Variants in CDH7 observed in about 807,000 individuals in gnomAD.
CDH7 encodes cadherin 7, also known as cadherin-7.
CDH7 carries 25 observed loss-of-function variants against 71.8 expected under a neutral mutation model. That is an observed-to-expected ratio of 0.35 (90% CI 0.25 to 0.49). The LOEUF is 0.49. CDH7 is among the 20% of genes least tolerant of loss of function. The probability of loss-of-function intolerance (pLI) is 0.99; values close to 1 mark genes in which losing one functional copy is unlikely to be tolerated. For synonymous variants in CDH7, 381 were observed against 363.8 expected (o/e 1.05, Z -0.54); for missense variants, 862 against 974.6 (o/e 0.88, Z 1.54).
intron 5 of CDH7, among the ~76,000 whole-genome samples, chr18:65,824,353 T>C (rs1445598273): frequency 6.6e-6 from 1 of 151,846 alleles, no homozygotes; most frequent in East Asian, 1.9e-4. Flanking sequence ...AAATTTATTT[T>C]TATTTTTCAG....
chr18:65,771,881 G>A (rs1916554591), intron 2 of CDH7, among the ~76,000 whole-genome samples: 1 of 152,080 alleles, frequency 6.6e-6, no homozygotes, highest in East Asian at 1.9e-4. Context: ...TCCATTTCTA[G>A]TTAGGCTAGA....
intron 1 of CDH7, among the ~76,000 whole-genome samples, chr18:65,751,549 C>T (rs1568166703): frequency 6.6e-6 from 1 of 152,166 alleles, no homozygotes; most frequent in Non-Finnish European, 1.5e-5. Flanking sequence ...AACTCCGCGC[C>T]GGCTGTGCCG....
At position 65,865,705 on chromosome 18, in the gene CDH7, G is replaced by A. The variant is rs1913732427; in HGVS notation, c.1864+2788G>A. 3 of 152,164 alleles carry A rather than the reference G, an allele frequency of 2.0e-5. No individual in the cohort carries two copies. The East Asian group carries it at 5.8e-4, about 29-fold the overall frequency. The allele number at this position is 152,164 out of a possible 1,614,324, so 9.4% of individuals were successfully genotyped here. ...AATCAGGAATTTTTATACTGTTTTAGTTTTGTCGCCACTATTATAGACTCT... is the reference window on the plus strand; with the variant it reads ...AATCAGGAATTTTTATACTGTTTTAATTTTGTCGCCACTATTATAGACTCT... On this transcript the variant is annotated intron_variant, in intron 11 of 11. Transcript: ENST00000397968.
At chr18:65,879,529 A>C (rs931971621) in intron 11 of CDH7, among the ~76,000 whole-genome samples, 1 of 152,170 alleles carries the variant, frequency 6.6e-6, no homozygotes, top group Non-Finnish European at 1.5e-5. Flanking sequence ...ATGTATTCCC[A>C]ATTCAAGGAG....
chr18:65,877,544 C>G (rs1914107860), intron 11 of CDH7, among the ~76,000 whole-genome samples: 1 of 151,834 alleles, frequency 6.6e-6, no homozygotes, highest in Non-Finnish European at 1.5e-5. Context: ...CCCTTACTGA[C>G]TCTCATACTC....
intron 2 of CDH7, among the ~76,000 whole-genome samples, chr18:65,808,010 G>A (rs1911388230): frequency 1.3e-5 from 2 of 152,164 alleles, no homozygotes; most frequent in African/African-American, 4.8e-5. Flanking sequence ...CAGCCTGCCA[G>A]CTTTTATAAT....
intron 2 of CDH7, among the ~76,000 whole-genome samples, chr18:65,777,158 A>C (rs1909978062): frequency 6.6e-6 from 1 of 152,158 alleles, no homozygotes. Context: ...TTCACAAATT[A>C]AATAAAATGA....
At chr18:65,781,836 T>G (rs1219864995) in intron 2 of CDH7, among the ~76,000 whole-genome samples, 5 of 91,596 alleles carry the variant, frequency 5.5e-5, no homozygotes, top group African/African-American at 2.3e-4. Flanking sequence ...CTTTCTTTCT[T>G]TCTTTCTTTC....
intron 7 of CDH7, among the ~76,000 whole-genome samples, chr18:65,847,178 T>C (rs1323213731): frequency 6.6e-6 from 1 of 152,164 alleles, no homozygotes; most frequent in Non-Finnish European, 1.5e-5. Flanking sequence ...GATGAATAAA[T>C]AGCAGTCTTC....
At chr18:65,818,923 A>C (rs1269703979) in intron 4 of CDH7, among the ~76,000 whole-genome samples, 1 of 152,144 alleles carries the variant, frequency 6.6e-6, no homozygotes, top group Non-Finnish European at 1.5e-5. Context: ...GCCATACCAA[A>C]TGGCTTTAGT....
At chr18:65,789,113 G>A (rs2143852714) in intron 2 of CDH7, among the ~76,000 whole-genome samples, 1 of 152,278 alleles carries the variant, frequency 6.6e-6, no homozygotes, top group Middle Eastern at 3.4e-3. Context: ...TGTAATATGA[G>A]GAAACATACA....
At position 65,781,819 on chromosome 18, in the gene CDH7, C is replaced by CTTCCTTCCTTCTTTCT. The variant is rs1491280674; in HGVS notation, c.210+18770_210+18771insCTTCCTTCTTTCTTTC. Among the ~76,000 whole-genome samples, 11 of 43,912 alleles carry CTTCCTTCCTTCTTTCT rather than the reference C, an allele frequency of 2.5e-4. No individual in the cohort carries two copies. The East Asian group carries it at 2.6e-3, about 10-fold the overall frequency. The allele number at this position is 43,912 out of a possible 152,430, so 28.8% of individuals were successfully genotyped here. ...CCTTCCTTCCTTCCTTCCTTCCTTC[C>CTTCCTTCCTTCTTTCT]TTCTTTCTTTCTTTCTTTCTTTCTT... On this transcript the variant is annotated intron_variant, in intron 2 of 11. Transcript: ENST00000397968.
At chr18:65,778,419 T>G (rs547588896) in intron 2 of CDH7, among the ~76,000 whole-genome samples, 62 of 151,672 alleles carry the variant, frequency 4.1e-4, no homozygotes, top group Non-Finnish European at 8.4e-4. Flanking sequence ...ACTGGTTTCT[T>G]TTTATTCCCA....
At chr18:65,771,726 A>G (rs1916549017) in intron 2 of CDH7, among the ~76,000 whole-genome samples, 1 of 151,906 alleles carries the variant, frequency 6.6e-6, no homozygotes, top group Admixed American at 6.6e-5. Flanking sequence ...GAAGGTTTAG[A>G]AATTTTACCC....
At chr18:65,816,353 A>G (rs1315584986) in intron 4 of CDH7, among the ~76,000 whole-genome samples, 2 of 152,140 alleles carry the variant, frequency 1.3e-5, no homozygotes, top group African/African-American at 4.8e-5. Context: ...TCTGACTGAA[A>G]TGGAAAGTTT....
chr18:65,808,026 A>G (rs1321068641), intron 2 of CDH7, among the ~76,000 whole-genome samples: 20 of 152,250 alleles, frequency 1.3e-4, no homozygotes, highest in Non-Finnish European at 7.3e-5. Context: ...ATAATCCTGG[A>G]TCTGCCAGAG....
In CDH7 at chr18:65,881,517, A is replaced by G. The variant is rs894583930; in HGVS notation, c.*623A>G. ...TAAAATTTAGTTTAAGGCAATATAA[A>G]CCATTGTTTATCCAATAAATTATGA... On this transcript the variant is annotated 3_prime_UTR_variant, in exon 12 of 12. Transcript: ENST00000397968. 10 of 151,136 alleles carry G rather than the reference A, an allele frequency of 6.6e-5. No homozygotes were observed. The highest frequency in any genetic ancestry group is 1.0e-4 in the Non-Finnish European group (7 of 67,684). The allele number at this position is 151,136 out of a possible 1,614,324, so 9.4% of individuals were successfully genotyped here. A position where few individuals can be genotyped will look rare whatever the true frequency, so the allele number is the denominator to read the frequency against.
At chr18:65,800,575 C>A (rs1417487789) in intron 2 of CDH7, among the ~76,000 whole-genome samples, 1 of 152,086 alleles carries the variant, frequency 6.6e-6, no homozygotes. Flanking sequence ...TGCATTTTAA[C>A]CAACATCCCA....
intron 6 of CDH7, among the ~76,000 whole-genome samples, chr18:65,827,250 C>A (rs914521869): frequency 6.6e-6 from 1 of 151,694 alleles, no homozygotes; most frequent in African/African-American, 2.4e-5. Flanking sequence ...TTGTCTAATT[C>A]TTTGTTTTGT....
Sources: gnomAD v4.1 joint callset for allele counts (sites outside exome capture counted in the v4.1 genomes callset) on GRCh38, gnomAD v4.1.1 for gene constraint, MANE v1.5 for transcripts, NCBI Gene and HGNC (gene_info 2026-07-23, HGNC 2026-07-21) for gene names.